Variants in KDM5A observed in about 807,000 individuals in gnomAD.
The protein encoded by KDM5A is lysine demethylase 5A, also known as lysine-specific demethylase 5A.
Under a neutral mutation model 193.5 loss-of-function variants are expected in KDM5A, and 42 were observed. That is an observed-to-expected ratio of 0.22 (90% CI 0.17 to 0.28). The LOEUF (loss-of-function observed/expected upper bound fraction) is 0.28. KDM5A is among the 10% of genes least tolerant of loss of function. KDM5A has a pLI of 1.00. For synonymous variants in KDM5A, 796 were observed against 718.1 expected (o/e 1.11, Z -1.73); for missense variants, 1,692 against 2,055.1 (o/e 0.82, Z 3.42).
chr12:379,398 G>A (rs919071321), intron 3 of KDM5A, among the ~76,000 whole-genome samples: 1 of 152,172 alleles, frequency 6.6e-6, no homozygotes, highest in African/African-American at 2.4e-5. Flanking sequence ...CTGGAAAGGA[G>A]ATGAAACAAC....
intron 3 of KDM5A, among the ~76,000 whole-genome samples, chr12:372,660 G>A (rs1246569070): frequency 6.6e-6 from 1 of 152,142 alleles, no homozygotes; most frequent in East Asian, 1.9e-4. Flanking sequence ...GGGCATCCCT[G>A]TATTGTACTA....
chr12:362,466 G>A (rs1944304732), intron 5 of KDM5A, among the ~76,000 whole-genome samples: 1 of 152,070 alleles, frequency 6.6e-6, no homozygotes, highest in South Asian at 2.1e-4. Context: ...TTTATACTCT[G>A]GTTTTTAAAG....
At chr12:288,231 C>T in intron 27 of KDM5A, among the ~76,000 whole-genome samples, 1 of 152,108 alleles carries the variant, frequency 6.6e-6, no homozygotes, top group East Asian at 1.9e-4. Context: ...GACACAGGGG[C>T]AACAGACTAT....
intron 24 of KDM5A, among the ~76,000 whole-genome samples, chr12:300,280 G>A (rs940266032): frequency 1.3e-5 from 2 of 152,046 alleles, no homozygotes; most frequent in African/African-American, 4.8e-5. Context: ...CCCATAATTG[G>A]AAGTAAAACA....
intron 5 of KDM5A, among the ~76,000 whole-genome samples, 174 bp from the exon 6 acceptor site, chr12:356,711 C>A (rs1347409354): frequency 6.6e-6 from 1 of 152,194 alleles, no homozygotes; most frequent in African/African-American, 2.4e-5. Context: ...CACCAAAACA[C>A]CATTCAACAC....
rs559541368 is a variant in KDM5A at position 383,791 on chromosome 12, C to T, written c.366+240G>A. Reference sequence around the variant, plus strand: ...GAGACCGAGTTTTGCTCTTGTTGCCCAGGCTGTAGTACAATGGCGCGATCT... The same window carrying T: ...GAGACCGAGTTTTGCTCTTGTTGCCTAGGCTGTAGTACAATGGCGCGATCT... On this transcript the variant is annotated intron_variant, in intron 3 of 27. Transcript: ENST00000399788. Among the ~76,000 whole-genome samples the T allele has an allele frequency of 3.3e-5, 5 of 151,752 alleles. No individual in the cohort carries two copies. The South Asian group carries it at 1.0e-3, about 32-fold the overall frequency.
intron 4 of KDM5A, among the ~76,000 whole-genome samples, chr12:364,409 G>A (rs1349237591): frequency 3.3e-5 from 5 of 151,788 alleles, no homozygotes; most frequent in Admixed American, 6.6e-5. Context: ...ACCGGGAGGC[G>A]GAGGCTGCAG....
intron 3 of KDM5A, among the ~76,000 whole-genome samples, chr12:382,847 G>C (rs548343008): frequency 1.8e-4 from 28 of 151,896 alleles, no homozygotes; most frequent in Non-Finnish European, 3.8e-4. Flanking sequence ...AAGGAGAATT[G>C]CTTGACCCTG....
intron 3 of KDM5A, among the ~76,000 whole-genome samples, chr12:374,622 T>C (rs1290105636): frequency 1.3e-5 from 2 of 152,228 alleles, no homozygotes; most frequent in Non-Finnish European, 2.9e-5. Context: ...CATTATGATG[T>C]TAGCTGATTA....
Position 388,968 on chromosome 12 carries a change from A to C in KDM5A, c.124T>G (p.Leu42Val), listed in dbSNP as rs748512206. ...TTGCAGATGCCGGTTTTCTCCGCCA[A>C]AGGCCGGATGCGGCCGATAAAGCTG... ...PLSFIGRIRP[L>V]AEKTGICKIR... is the part of the protein sequence containing the mutation. Residue 42 changes from leucine to valine, a missense_variant, in exon 1 of 28, where the codon TTG (leucine) becomes GTG (valine). Transcript: ENST00000399788. 2.5e-6 allele frequency: 4 copies of C among 1,614,080 alleles called. No individual in the cohort carries two copies. The highest frequency in any genetic ancestry group is 8.5e-7 in the Non-Finnish European group (1 of 1,180,054).
intron 3 of KDM5A, among the ~76,000 whole-genome samples, chr12:382,379 C>T (rs1944585045): frequency 6.6e-6 from 1 of 151,808 alleles, no homozygotes; most frequent in African/African-American, 2.4e-5. Flanking sequence ...AGAAGAATCA[C>T]TTGAACCCGG....
intron 3 of KDM5A, among the ~76,000 whole-genome samples, chr12:370,734 T>G (rs940434914): frequency 6.6e-6 from 1 of 152,224 alleles, no homozygotes; most frequent in African/African-American, 2.4e-5. Context: ...TCACTTACAT[T>G]AGGTATATCT....
intron 3 of KDM5A, among the ~76,000 whole-genome samples, chr12:383,812 G>A (rs1045354734): frequency 4.6e-5 from 7 of 150,968 alleles, no homozygotes; most frequent in African/African-American, 7.3e-5. Flanking sequence ...ACAATGGCGC[G>A]ATCTCAGCTC....
chr12:354,055 C>T (rs748863337), intron 8 of KDM5A, 21 bp downstream of exon 8: 2 of 1,599,022 alleles, frequency 1.3e-6, no homozygotes, highest in Non-Finnish European at 1.7e-6. Flanking sequence ...AAAAAAGGAT[C>T]CATAGAGGTT....
chr12:310,378 C>A (rs191009063), intron 21 of KDM5A, among the ~76,000 whole-genome samples: 5 of 152,288 alleles, frequency 3.3e-5, no homozygotes, highest in Non-Finnish European at 7.3e-5. Flanking sequence ...CACCTGTAAT[C>A]CCAGCACTTT....
Position 350,645 on chromosome 12 carries a change from C to T in KDM5A, c.1284G>A (p.Arg428=), listed in dbSNP as rs371272714. ...FGSGFPVKDG[R]RKILPEEEEY... is the part of the protein sequence containing the mutation. ...CCTCTTCTTCTGGCAGAATCTTTCT[C>T]CGCCCATCCTTCACCGGAAATCCAC... Residue 428 remains arginine, a synonymous_variant, in exon 10 of 28, where the codon CGG becomes CGA. Transcript: ENST00000399788. 4.5e-5 allele frequency: 72 copies of T among 1,614,030 alleles called. No individual in the cohort carries two copies. In the African/African-American group the frequency reaches 8.5e-4, roughly 19 times the overall value.
rs775966494 is a variant in KDM5A at position 307,706 on chromosome 12, A to T, written c.3678T>A (p.Ile1226=). 6.2e-7 allele frequency: 1 copy of T among 1,614,056 alleles called. No homozygotes were observed. The highest frequency in any genetic ancestry group is 1.3e-5 in the African/African-American group (1 of 74,910). ...TCTGAAGGGATACCAGGAGTGACAGAATAGTCTCTAGCCTGGGCCTTCGAG... is the reference window on the plus strand; with the variant it reads ...TCTGAAGGGATACCAGGAGTGACAGTATAGTCTCTAGCCTGGGCCTTCGAG... ...MRSRRPRLET[I]LSLLVSLQKL... Residue 1226 remains isoleucine (I), a synonymous_variant, in exon 23 of 28, where the codon ATT becomes ATA. Coordinates refer to ENST00000399788, the MANE Select transcript of KDM5A (RefSeq NM_001042603.3). The surrounding 1 kb of genome is among the most constrained non-coding windows in gnomAD (Gnocchi z 4.3).
At chr12:341,195 T>C (rs957198277) in intron 10 of KDM5A, among the ~76,000 whole-genome samples, 6 of 152,200 alleles carry the variant, frequency 3.9e-5, no homozygotes, top group African/African-American at 1.4e-4. Context: ...CTCTCTCTAA[T>C]AATGAGATCA....
At chr12:375,363 T>C (rs1160846797) in intron 3 of KDM5A, among the ~76,000 whole-genome samples, 1 of 152,262 alleles carries the variant, frequency 6.6e-6, no homozygotes, top group Admixed American at 6.5e-5. Context: ...AATGATCAAA[T>C]TGGCTACTGA....
Sources: gnomAD v4.1 joint callset for allele counts (sites outside exome capture counted in the v4.1 genomes callset) on GRCh38, gnomAD v4.1.1 for gene constraint, Gnocchi (gnomAD v3.1) non-coding constraint, MANE v1.5 for transcripts, NCBI Gene and HGNC (gene_info 2026-07-23, HGNC 2026-07-21) for gene names.